The following BNIP3L variants were observed in gnomAD, a reference collection of about 807,000 sequenced individuals.
The protein encoded by BNIP3L is BCL2/adenovirus E1B 19 kDa protein-interacting protein 3-like.
In BNIP3L, 10 loss-of-function variants were observed where a neutral mutation model predicts 25.5. The ratio of observed to expected loss-of-function variants is 0.39; its 90% CI spans 0.24 to 0.67. BNIP3L has a LOEUF of 0.67. Among genes scored for constraint, BNIP3L ranks in the 30% least tolerant of loss-of-function variants. BNIP3L has a pLI of 0.45. For missense variants in BNIP3L, 215 were observed against 270.9 expected (o/e 0.79, Z 1.45); for synonymous variants, 113 against 101.2 (o/e 1.12, Z -0.70).
At chr8:26,406,340 A>G (rs1806499391) in intron 3 of BNIP3L, among the ~76,000 whole-genome samples, 2 of 152,346 alleles carry the variant, frequency 1.3e-5, no homozygotes, top group East Asian at 1.9e-4. Flanking sequence ...ATCTCCTTCC[A>G]GAGAGTAAAC....
At chr8:26,392,283 GGTTGTTAACT>G (rs1052938765) in intron 2 of BNIP3L, among the ~76,000 whole-genome samples, 4 of 151,300 alleles carry the variant, frequency 2.6e-5, no homozygotes, top group Non-Finnish European at 4.4e-5. Flanking sequence ...CCTTCTGGGT[GGTTGTTAACT>G]GATGTTAACC....
At chr8:26,393,832 T>G in intron 2 of BNIP3L, among the ~76,000 whole-genome samples, 1 of 152,142 alleles carries the variant, frequency 6.6e-6, no homozygotes, top group Non-Finnish European at 1.5e-5. Context: ...TATATGACGT[T>G]GGTTTGATAC....
chr8:26,407,721 A>C (rs780220087), intron 3 of BNIP3L, among the ~76,000 whole-genome samples: 1 of 152,188 alleles, frequency 6.6e-6, no homozygotes, highest in Non-Finnish European at 1.5e-5. Context: ...GAGGTTTTTC[A>C]TACTTCCCTT....
In BNIP3L at chr8:26,383,375, C is replaced by T; in HGVS notation, c.100+145C>T. 2.7e-6 allele frequency: 4 copies of T among 1,459,572 alleles called. No individual in the cohort carries two copies. In the South Asian group the frequency reaches 4.2e-5, roughly 15 times the overall value. 90.4% of individuals were successfully genotyped at this position (1,459,572 alleles called of 1,614,324 possible). A position where few individuals can be genotyped will look rare whatever the true frequency, so the allele number is the denominator to read the frequency against. On this transcript the variant is annotated intron_variant, in intron 1 of 5. Transcript: ENST00000380629. ...TGTCCAGGTGACTGACAGCTCCCGT[C>T]CCCTGTCAAGAGGAGGGGCGCCTGC...
intron 1 of BNIP3L, among the ~76,000 whole-genome samples, chr8:26,388,077 AT>A (rs758038538): frequency 5.7e-4 from 87 of 152,326 alleles, no homozygotes; most frequent in Non-Finnish European, 9.1e-4. Flanking sequence ...CCTATATTTC[AT>A]TGACAAAAAC....
chr8:26,387,568 A>G (rs1806018243), intron 1 of BNIP3L, among the ~76,000 whole-genome samples: 1 of 152,194 alleles, frequency 6.6e-6, no homozygotes, highest in Non-Finnish European at 1.5e-5. Flanking sequence ...TGAGGCTGTA[A>G]ATCAGGAACA....
chr8:26,390,127 A>G (rs907491127), intron 1 of BNIP3L, among the ~76,000 whole-genome samples: 3 of 152,102 alleles, frequency 2.0e-5, no homozygotes, highest in South Asian at 2.1e-4. Context: ...CTTACTTACT[A>G]TTCTTTTGTA....
chr8:26,393,305 T>C (rs1235441516), intron 2 of BNIP3L, among the ~76,000 whole-genome samples: 2 of 150,234 alleles, frequency 1.3e-5, no homozygotes, highest in Non-Finnish European at 3.0e-5. Context: ...CATAGAAATA[T>C]TTGTGTTGCC....
At chr8:26,383,567 C>CCG (rs1230543633) in intron 1 of BNIP3L, 12 of 188,654 alleles carry the variant, frequency 6.4e-5, no homozygotes, top group African/African-American at 3.2e-4. Context: ...GGCGGGGAGG[C>CCG]CGGGTGGGCG....
Position 26,383,174 on chromosome 8 carries a change from A to G in BNIP3L, c.44A>G (p.Asn15Ser), listed in dbSNP as rs772916921. The part of the protein sequence containing the change: ...LVEPPPPLHN[N>S]NNNCEENEQS... ...GAGCCGCCGCCGCCCCTGCACAACAACAACAACAACTGCGAGGAAAATGAG... is the reference window on the plus strand; with the variant it reads ...GAGCCGCCGCCGCCCCTGCACAACAGCAACAACAACTGCGAGGAAAATGAG... The change falls in exon 1 of 6, where the codon AAC becomes AGC. Residue 15 changes from asparagine to serine, a missense_variant. Physicochemically the swap from Asn to Ser is conservative, Grantham distance 46. This residue lies in a region of BNIP3L where 69 missense variants were observed against 53.6 expected (regional missense o/e 1.29). Coordinates refer to ENST00000380629, the MANE Select transcript of BNIP3L (RefSeq NM_004331.3). 1.2e-6 allele frequency: 2 copies of G among 1,612,594 alleles called. No homozygotes were observed. The highest frequency in any genetic ancestry group is 4.5e-5 in the East Asian group (2 of 44,846).
chr8:26,395,451 T>C (rs558594623), intron 3 of BNIP3L, 149 bp downstream of exon 3: 81 of 889,254 alleles, frequency 9.1e-5, no homozygotes, highest in Non-Finnish European at 1.2e-4. Context: ...TAGGATGATA[T>C]AGTTCTTGTC....
chr8:26,393,577 G>T (rs897446173), intron 2 of BNIP3L, among the ~76,000 whole-genome samples: 1 of 151,928 alleles, frequency 6.6e-6, no homozygotes, highest in South Asian at 2.1e-4. Context: ...GGAGTAAACA[G>T]TTTAGAGAAG....
At chr8:26,388,190 C>T (rs1023266668) in intron 1 of BNIP3L, among the ~76,000 whole-genome samples, 48 of 152,130 alleles carry the variant, frequency 3.2e-4, no homozygotes, top group Non-Finnish European at 5.4e-4. Flanking sequence ...CTGATGTTTA[C>T]GTTTTCTAGG....
At chr8:26,407,175 T>C (rs1219482792) in intron 3 of BNIP3L, among the ~76,000 whole-genome samples, 4 of 150,002 alleles carry the variant, frequency 2.7e-5, no homozygotes, top group Admixed American at 6.7e-5. Flanking sequence ...CCGGCTAATT[T>C]TTTTTTGTTT....
At position 26,410,635 on chromosome 8, in the gene BNIP3L, AAC is replaced by A. The variant is rs1333776515; in HGVS notation, c.*225_*226del. On this transcript the variant is annotated 3_prime_UTR_variant, in exon 6 of 6. Transcript: ENST00000380629. ...GCCTGAAGACATTTTAGAATTTCCTAACAGAGTTTACTGTTGTTTAGAAATTT... is the reference window on the plus strand; with the variant it reads ...GCCTGAAGACATTTTAGAATTTCCTAAGAGTTTACTGTTGTTTAGAAATTT... The A allele has an allele frequency of 1.8e-6, 1 of 551,928 alleles. No homozygotes were observed. The highest frequency in any genetic ancestry group is 1.9e-5 in the African/African-American group (1 of 52,776). 34.2% of individuals were successfully genotyped at this position (551,928 alleles called of 1,614,324 possible).
rs772829857 is a variant in BNIP3L, at chr8:26,383,118, C to A, written c.-13C>A. 14 of 1,601,120 alleles carry A rather than the reference C, an allele frequency of 8.7e-6. No individual in the cohort carries two copies. The African/African-American group carries it at 1.3e-4, about 15-fold the overall frequency. On this transcript the variant is annotated 5_prime_UTR_variant, in exon 1 of 6. Coordinates refer to ENST00000380629, the MANE Select transcript of BNIP3L (RefSeq NM_004331.3). ...GGTCCTGCTGCTGCCGCAGTCCTGC[C>A]AGCTGTCCGACAATGTCGTCCCACC...
intron 5 of BNIP3L, 23 bp downstream of exon 5, chr8:26,408,399 A>G: frequency 6.3e-7 from 1 of 1,585,414 alleles, no homozygotes; most frequent in Non-Finnish European, 8.6e-7. Flanking sequence ...CAACTCCTGA[A>G]GTTTTTTCCA....
At position 26,410,929 on chromosome 8, in the gene BNIP3L, C is replaced by T. The variant is rs1055780; in HGVS notation, c.*517C>T. The T allele has an allele frequency of 7.8e-6, 1 of 127,438 alleles. No individual in the cohort carries two copies. The highest frequency in any genetic ancestry group is 1.7e-5 in the Non-Finnish European group (1 of 58,558). 7.9% of individuals were successfully genotyped at this position (127,438 alleles called of 1,614,324 possible). A position where few individuals can be genotyped will look rare whatever the true frequency, so the allele number is the denominator to read the frequency against. On this transcript the variant is annotated 3_prime_UTR_variant, in exon 6 of 6. Coordinates refer to ENST00000380629, the MANE Select transcript of BNIP3L (RefSeq NM_004331.3). ...GATAGTTATTAAAAAGAAAACAAAA[C>T]AAAAAAAAAAGGCAAGGCACAACAA...
chr8:26,407,995 T>C lies in BNIP3L; in HGVS notation c.358-5T>C. 1 of 1,612,322 alleles carries C rather than the reference T, an allele frequency of 6.2e-7. No homozygotes were observed. Among genetic ancestry groups the C allele is most frequent in the Non-Finnish European group, 8.5e-7 (1 of 1,178,318 alleles). On this transcript the variant is annotated splice_polypyrimidine_tract_variant and splice_region_variant and intron_variant, in intron 3 of 5. Coordinates refer to ENST00000380629, the MANE Select transcript of BNIP3L (RefSeq NM_004331.3). ...TTTTCTTAAAGTTTGAATTCTTCTT[T>C]ACAGTCAGAAGAAGAAGTTGTAGAA...
Sources: gnomAD v4.1 joint callset for allele counts (sites outside exome capture counted in the v4.1 genomes callset) on GRCh38, gnomAD v4.1.1 for gene constraint, gnomAD v4.1.1 regional missense constraint, MANE v1.5 for transcripts, NCBI Gene and HGNC (gene_info 2026-07-23, HGNC 2026-07-21) for gene names.